Variants in SORCS2 observed in about 807,000 individuals in gnomAD.
SORCS2 encodes sortilin related VPS10 domain containing receptor 2.
In SORCS2, 100 loss-of-function variants were observed where a neutral mutation model predicts 141.6. The observed-to-expected ratio is 0.71, with a 90% CI of 0.60 to 0.83. The LOEUF (loss-of-function observed/expected upper bound fraction) is 0.83. Ranked by LOEUF, SORCS2 falls within the 40% of genes least tolerant of loss-of-function variation. The pLI is 0.00. For synonymous variants in SORCS2, 789 were observed against 676.9 expected (o/e 1.17, Z -2.57); for missense variants, 1,646 against 1,560.2 (o/e 1.05, Z -0.93).
At chr4:7,613,109 A>T (rs1248695996) in intron 3 of SORCS2, among the ~76,000 whole-genome samples, 2 of 152,238 alleles carry the variant, frequency 1.3e-5, no homozygotes, top group African/African-American at 4.8e-5. Flanking sequence ...GCTCACAGAC[A>T]TCTCTCCTCT....
chr4:7,592,475 G>A (rs767683425), intron 3 of SORCS2, among the ~76,000 whole-genome samples: 20 of 152,266 alleles, frequency 1.3e-4, no homozygotes, highest in South Asian at 1.0e-3. Context: ...CTGAACAACC[G>A]TCTTCCCCAG....
At chr4:7,658,059 T>G in intron 5 of SORCS2, among the ~76,000 whole-genome samples, 1 of 145,804 alleles carries the variant, frequency 6.9e-6, no homozygotes, top group African/African-American at 2.6e-5. Flanking sequence ...GTGAGTCTGA[T>G]TGAGCAAATG....
intron 2 of SORCS2, among the ~76,000 whole-genome samples, chr4:7,422,888 T>C (rs965369296): frequency 1.3e-5 from 2 of 152,168 alleles, no homozygotes; most frequent in African/African-American, 2.4e-5. Context: ...CGGAGGTCCA[T>C]GCAGCCTCCA....
chr4:7,329,134 C>A (rs959446342), intron 1 of SORCS2, among the ~76,000 whole-genome samples: 1 of 152,192 alleles, frequency 6.6e-6, no homozygotes, highest in Non-Finnish European at 1.5e-5. Flanking sequence ...TCTCCAAGTC[C>A]GGTGACTCAG....
chr4:7,460,686 G>C (rs1427927336), intron 2 of SORCS2, among the ~76,000 whole-genome samples: 1 of 152,220 alleles, frequency 6.6e-6, no homozygotes, highest in African/African-American at 2.4e-5. Flanking sequence ...TGGGAATGTG[G>C]AGGGAAAGGG....
At chr4:7,674,243 C>A (rs1172313401) in intron 8 of SORCS2, among the ~76,000 whole-genome samples, 1 of 152,066 alleles carries the variant, frequency 6.6e-6, no homozygotes, top group Non-Finnish European at 1.5e-5. Context: ...GCTCCTGCCA[C>A]TGTGGGGTCC....
Position 7,729,613 on chromosome 4 carries a change from G to A in SORCS2, c.3009G>A (p.Leu1003=). The change falls in exon 23 of 27, where the codon CTG becomes CTA. Residue 1003 remains leucine (L), a synonymous_variant. Transcript: ENST00000507866. ...SKETSVPQEL[L]VTVVKPGLPT... ...AGACCAGCGTCCCTCAGGAGCTTCTGGTGACTGTGGTGAAGCCGGGGCTGC... is the reference window on the plus strand; with the variant it reads ...AGACCAGCGTCCCTCAGGAGCTTCTAGTGACTGTGGTGAAGCCGGGGCTGC... 5.0e-6 allele frequency: 8 copies of A among 1,590,490 alleles called. No homozygotes were observed. Among genetic ancestry groups the A allele is most frequent in the African/African-American group, 1.3e-5 (1 of 74,452 alleles).
At chr4:7,387,902 A>G (rs1217088926) in intron 1 of SORCS2, among the ~76,000 whole-genome samples, 1 of 68,206 alleles carries the variant, frequency 1.5e-5, no homozygotes, top group Non-Finnish European at 2.8e-5. Flanking sequence ...GCACACAGAG[A>G]TATACACACA....
intron 1 of SORCS2, among the ~76,000 whole-genome samples, chr4:7,305,631 T>C (rs564187431): frequency 6.6e-6 from 1 of 152,268 alleles, no homozygotes; most frequent in Non-Finnish European, 1.5e-5. Context: ...CTGTTTTTGC[T>C]CATATGAATG....
intron 2 of SORCS2, among the ~76,000 whole-genome samples, chr4:7,487,144 T>C (rs765348179): frequency 1.6e-4 from 25 of 152,328 alleles, no homozygotes; most frequent in Non-Finnish European, 3.2e-4. Flanking sequence ...TCACCCTCCA[T>C]GTGCGTGCTC....
chr4:7,655,198 C>T (rs1401020416), intron 5 of SORCS2, among the ~76,000 whole-genome samples: 6 of 148,298 alleles, frequency 4.0e-5, no homozygotes, highest in Non-Finnish European at 7.4e-5. Context: ...CTTTCTTGTG[C>T]GTGTACACAC....
chr4:7,704,333 G>A (rs1725278959), intron 14 of SORCS2, 49 bp downstream of exon 14: 1 of 1,510,814 alleles, frequency 6.6e-7, no homozygotes. Context: ...GCAGAGCCAT[G>A]CTGGGCCTCC....
chr4:7,514,337 C>T (rs1267976775), intron 2 of SORCS2, among the ~76,000 whole-genome samples: 1 of 152,094 alleles, frequency 6.6e-6, no homozygotes, highest in African/African-American at 2.4e-5. Context: ...AGCAATTGGT[C>T]CTTCAGGGCG....
At chr4:7,602,397 G>C (rs1427543761) in intron 3 of SORCS2, among the ~76,000 whole-genome samples, 2 of 151,734 alleles carry the variant, frequency 1.3e-5, no homozygotes, top group African/African-American at 2.4e-5. Context: ...TCACTTCTCA[G>C]ACGGGGCGGC....
At chr4:7,244,120 G>A (rs952775823) in intron 1 of SORCS2, among the ~76,000 whole-genome samples, 8 of 152,322 alleles carry the variant, frequency 5.3e-5, no homozygotes, top group Admixed American at 1.3e-4. Flanking sequence ...CACTTCTGAA[G>A]CACATAGGAA....
At chr4:7,503,222 A>G (rs917245498) in intron 2 of SORCS2, among the ~76,000 whole-genome samples, 2 of 152,222 alleles carry the variant, frequency 1.3e-5, no homozygotes, top group Admixed American at 6.5e-5. Flanking sequence ...CTGAACTCAA[A>G]AGGGGAAAAA....
intron 3 of SORCS2, among the ~76,000 whole-genome samples, chr4:7,550,136 G>A (rs1577733927): frequency 4.5e-5 from 1 of 22,462 alleles, no homozygotes; most frequent in Admixed American, 8.7e-4. Flanking sequence ...GTGTGTATGT[G>A]TGTGTGTGTG....
chr4:7,339,802 C>T (rs1389859007), intron 1 of SORCS2, among the ~76,000 whole-genome samples: 1 of 152,174 alleles, frequency 6.6e-6, no homozygotes, highest in Non-Finnish European at 1.5e-5. Flanking sequence ...CAGACGTGTT[C>T]ATATTTGCAA....
chr4:7,200,268 T>A (rs1021439445), intron 1 of SORCS2, among the ~76,000 whole-genome samples: 2 of 152,090 alleles, frequency 1.3e-5, no homozygotes. Flanking sequence ...AGGGGTGCAC[T>A]CCATGCTGTT....
Sources: gnomAD v4.1 joint callset for allele counts (sites outside exome capture counted in the v4.1 genomes callset) on GRCh38, gnomAD v4.1.1 for gene constraint, MANE v1.5 for transcripts, NCBI Gene and HGNC (gene_info 2026-07-23, HGNC 2026-07-21) for gene names.